Variants in GREB1L observed in about 807,000 individuals in gnomAD.
GREB1L encodes GREB1-like protein.
GREB1L carries 17 observed loss-of-function variants against 200.8 expected under a neutral mutation model. The observed-to-expected ratio is 0.08, with a 90% CI of 0.06 to 0.13. The LOEUF is 0.13. GREB1L is among the 10% of genes least tolerant of loss of function. GREB1L has a pLI of 1.00. For missense variants in GREB1L, 1,657 were observed against 2,367.7 expected, an observed-to-expected ratio of 0.70 and a Z score of 6.23; for synonymous variants, 789 against 893.0, an observed-to-expected ratio of 0.88 and a Z score of 2.08.
intron 7 of GREB1L, among the ~76,000 whole-genome samples, chr18:21,436,946 A>G (rs181403294): frequency 6.6e-6 from 1 of 152,228 alleles, no homozygotes; most frequent in East Asian, 1.9e-4. Context: ...CCTGGAGTCA[A>G]GTGATCAGCC....
chr18:21,314,569 T>C (rs8099122), intron 1 of GREB1L, among the ~76,000 whole-genome samples: 81,392 of 151,994 alleles, frequency 0.54, 22,879 homozygotes, highest in African/African-American at 0.72. Flanking sequence ...GAAGAAGAAC[T>C]TATTACAGAT....
At chr18:21,481,179 G>T (rs1200580563) in intron 17 of GREB1L, among the ~76,000 whole-genome samples, 1 of 152,062 alleles carries the variant, frequency 6.6e-6, no homozygotes, top group South Asian at 2.1e-4. Flanking sequence ...AGGAAGCTCC[G>T]TGGAAAAGAG....
At chr18:21,444,912 G>C (rs1483895450) in intron 11 of GREB1L, among the ~76,000 whole-genome samples, 1 of 151,906 alleles carries the variant, frequency 6.6e-6, no homozygotes, top group South Asian at 2.1e-4. Context: ...GAGTCCCATC[G>C]TGCTTTCCAT....
At chr18:21,319,466 T>C (rs941146642) in intron 1 of GREB1L, among the ~76,000 whole-genome samples, 2 of 152,256 alleles carry the variant, frequency 1.3e-5, no homozygotes, top group African/African-American at 4.8e-5. Flanking sequence ...TTATATTGTA[T>C]TTTCAGAGTT....
At position 21,500,530 on chromosome 18, in the gene GREB1L, T is replaced by G. The variant is rs955820518; in HGVS notation, c.3970-10T>G. ...CTCCACTCCTCCCCAATTAAAAATCTTTCCATTAGGTGGGAAAGACGGGCT... is the reference window on the plus strand; with the variant it reads ...CTCCACTCCTCCCCAATTAAAAATCGTTCCATTAGGTGGGAAAGACGGGCT... On this transcript the variant is annotated splice_polypyrimidine_tract_variant and intron_variant, in intron 22 of 32. Coordinates refer to ENST00000424526, the MANE Select transcript of GREB1L (RefSeq NM_001142966.3). 2 of 1,533,634 alleles carry G rather than the reference T, an allele frequency of 1.3e-6. No individual in the cohort carries two copies. The highest frequency in any genetic ancestry group is 1.2e-5 in the South Asian group (1 of 83,298).
intron 5 of GREB1L, 35 bp downstream of exon 5, chr18:21,395,596 A>G: frequency 6.9e-7 from 1 of 1,439,784 alleles, no homozygotes; most frequent in East Asian, 2.5e-5. Flanking sequence ...TCCTTCCAAT[A>G]TGAGGGAGTT....
intron 1 of GREB1L, among the ~76,000 whole-genome samples, chr18:21,330,535 G>C (rs1336865479): frequency 6.6e-6 from 1 of 152,154 alleles, no homozygotes; most frequent in Non-Finnish European, 1.5e-5. Flanking sequence ...ATTTTCTGTG[G>C]ATTGGACCTT....
Position 21,525,137 on chromosome 18 carries a change from A to G in GREB1L, c.*2316A>G, listed in dbSNP as rs1178243811. Reference sequence around the variant, plus strand: ...ACCTGTAGACCTGCTGAACCTCAGCATGTATGACAGTTCACACAGGTTAAT... The same window carrying G: ...ACCTGTAGACCTGCTGAACCTCAGCGTGTATGACAGTTCACACAGGTTAAT... On this transcript the variant is annotated 3_prime_UTR_variant, in exon 33 of 33. Coordinates refer to ENST00000424526, the MANE Select transcript of GREB1L (RefSeq NM_001142966.3). The G allele has an allele frequency of 6.6e-6, 1 of 152,140 alleles. No individual in the cohort carries two copies. Among genetic ancestry groups the G allele is most frequent in the Non-Finnish European group, 1.5e-5 (1 of 68,020 alleles). The allele number at this position is 152,140 out of a possible 1,614,324, so 9.4% of individuals were successfully genotyped here. A position where few individuals can be genotyped will look rare whatever the true frequency, so the allele number is the denominator to read the frequency against.
chr18:21,482,642 ATTTTTTTTTTT>A (rs35313539), intron 17 of GREB1L, among the ~76,000 whole-genome samples: 6 of 118,090 alleles, frequency 5.1e-5, no homozygotes, highest in African/African-American at 1.6e-4. Context: ...TAGATTACAG[ATTTTTTTTTTT>A]TTTTTTTTTT....
intron 1 of GREB1L, among the ~76,000 whole-genome samples, chr18:21,276,326 G>T (rs1246508145): frequency 6.6e-6 from 1 of 152,050 alleles, no homozygotes; most frequent in Non-Finnish European, 1.5e-5. Context: ...ATTCTTCTTT[G>T]CTCTTGCACT....
At chr18:21,278,392 A>AT (rs3083666) in intron 1 of GREB1L, among the ~76,000 whole-genome samples, 3 of 112,664 alleles carry the variant, frequency 2.7e-5, no homozygotes, top group African/African-American at 1.1e-4. Flanking sequence ...AAAAAAAAAA[A>AT]TAAATAAATA....
chr18:21,261,955 G>A (rs1022280264), intron 1 of GREB1L, among the ~76,000 whole-genome samples: 1 of 151,840 alleles, frequency 6.6e-6, no homozygotes, highest in African/African-American at 2.4e-5. Context: ...TTTTACTTAT[G>A]CCATTCTTTA....
Position 21,242,246 on chromosome 18 carries a change from C to T in GREB1L, c.-267C>T, listed in dbSNP as rs2061456597. Reference sequence around the variant, plus strand: ...GCGCGCCTGCCAGAGAGACGCCAGCCGCCGGCGGCGCTAGCACCTCGGAGT... The same window carrying T: ...GCGCGCCTGCCAGAGAGACGCCAGCTGCCGGCGGCGCTAGCACCTCGGAGT... On this transcript the variant is annotated 5_prime_UTR_variant, in exon 1 of 33. Transcript: ENST00000424526. The T allele has an allele frequency of 6.6e-6, 1 of 151,842 alleles. No homozygotes were observed. 9.4% of individuals were successfully genotyped at this position (151,842 alleles called of 1,614,324 possible). A position where few individuals can be genotyped will look rare whatever the true frequency, so the allele number is the denominator to read the frequency against.
chr18:21,359,803 T>C (rs113929471), intron 1 of GREB1L, among the ~76,000 whole-genome samples: 1,579 of 152,326 alleles, frequency 0.01, 13 homozygotes, highest in Non-Finnish European at 0.017. Flanking sequence ...GGAAAGCTTC[T>C]TTTTGTTATG....
chr18:21,335,488 G>T (rs2039170338), intron 1 of GREB1L, among the ~76,000 whole-genome samples: 2 of 152,036 alleles, frequency 1.3e-5, no homozygotes, highest in African/African-American at 4.8e-5. Context: ...AAGGACAAAA[G>T]ATTTTTTTGG....
chr18:21,434,525 G>GTATATA (rs1568007664), intron 7 of GREB1L, among the ~76,000 whole-genome samples: 4 of 121,324 alleles, frequency 3.3e-5, no homozygotes, highest in African/African-American at 1.3e-4. Flanking sequence ...GTGTGTGTGT[G>GTATATA]TGTGTGTATA....
chr18:21,315,994 G>A (rs944657583), intron 1 of GREB1L, among the ~76,000 whole-genome samples: 16 of 152,276 alleles, frequency 1.1e-4, no homozygotes, highest in African/African-American at 3.1e-4. Context: ...GTCTGCCCTC[G>A]GGGATAGGCC....
rs551486886 is a variant in GREB1L at position 21,358,765 on chromosome 18, G to A, written c.-119-7262G>A. Among the ~76,000 whole-genome samples, 3 of 152,268 alleles carry A rather than the reference G, an allele frequency of 2.0e-5. No homozygotes were observed. The East Asian group carries it at 5.8e-4, about 29-fold the overall frequency. The stretch of plus-strand genomic sequence containing the variant: ...ACACTGCTCAGGTGACGGGTGCACC[G>A]AAATCGCAGAAATCACCACTAAAGA... On this transcript the variant is annotated intron_variant, in intron 1 of 32. Coordinates refer to ENST00000424526, the MANE Select transcript of GREB1L (RefSeq NM_001142966.3).
At chr18:21,420,668 G>A (rs1354688987) in intron 7 of GREB1L, among the ~76,000 whole-genome samples, 3 of 152,132 alleles carry the variant, frequency 2.0e-5, no homozygotes, top group Non-Finnish European at 2.9e-5. Context: ...AGAGGTGGTA[G>A]AACTCTAATG....
Sources: allele counts gnomAD v4.1 joint callset (sites outside exome capture counted in the v4.1 genomes callset), GRCh38; gene constraint gnomAD v4.1.1; transcripts MANE v1.5; gene names NCBI Gene and HGNC (gene_info 2026-07-23, HGNC 2026-07-21).